The following VWDE variants were observed in gnomAD, a reference collection of about 807,000 sequenced individuals.
The protein encoded by VWDE is von Willebrand factor D and EGF domains.
Under a neutral mutation model 178.4 loss-of-function variants are expected in VWDE, and 207 were observed. That is an observed-to-expected ratio of 1.16 (90% confidence interval 1.04 to 1.30). The LOEUF is 1.30. Ranked by LOEUF, VWDE falls within the 50% of genes most tolerant of loss-of-function variation. The pLI, the probability that VWDE is intolerant of heterozygous loss-of-function variation, is 0.00. For missense variants in VWDE, 2,287 were observed against 1,901.3 expected, an observed-to-expected ratio of 1.20 and a Z score of -3.77; for synonymous variants, 738 against 651.4, an observed-to-expected ratio of 1.13 and a Z score of -2.02.
chr7:12,403,843 G>T lies in VWDE; in HGVS notation c.-127C>A. On this transcript the variant is annotated 5_prime_UTR_variant, in exon 1 of 29. In the 5' UTR this introduces an upstream ATG that the reference lacks. Coordinates refer to ENST00000275358, the MANE Select transcript of VWDE (RefSeq NM_001135924.3). Reference sequence around the variant, plus strand: ...TCTCAGTCTGTTGCTGCTTGGAACAGGGAAGCTCCGCGTCCTCGTTCTGGG... The same window carrying T: ...TCTCAGTCTGTTGCTGCTTGGAACATGGAAGCTCCGCGTCCTCGTTCTGGG... The T allele has an allele frequency of 1.0e-6, 1 of 1,000,944 alleles. No homozygotes were observed. Among genetic ancestry groups the T allele is most frequent in the Non-Finnish European group, 1.5e-6 (1 of 677,356 alleles). The allele number at this position is 1,000,944 out of a possible 1,614,324, so 62.0% of individuals were successfully genotyped here. A position where few individuals can be genotyped will look rare whatever the true frequency, so the allele number is the denominator to read the frequency against.
intron 3 of VWDE, among the ~76,000 whole-genome samples, chr7:12,384,714 T>C (rs1284073276): frequency 1.3e-5 from 2 of 152,140 alleles, no homozygotes; most frequent in Non-Finnish European, 2.9e-5. Context: ...CCCATACTCA[T>C]TTACAGGATT....
intron 1 of VWDE, among the ~76,000 whole-genome samples, chr7:12,397,314 T>G (rs1427670765): frequency 6.6e-6 from 1 of 152,070 alleles, no homozygotes; most frequent in African/African-American, 2.4e-5. Context: ...AAATTAGCAA[T>G]GGGAAAAGGA....
At chr7:12,351,805 G>T in intron 18 of VWDE, 92 bp from the exon 19 acceptor site, 2 of 1,128,150 alleles carry the variant, frequency 1.8e-6, no homozygotes, top group Non-Finnish European at 2.4e-6. Context: ...ACGCCACTTG[G>T]ATTAAACTCT....
At position 12,356,193 on chromosome 7, in the gene VWDE, C is replaced by A. The variant is rs1244259575; in HGVS notation, c.3663G>T (p.Gly1221=). The part of the protein sequence containing the change: ...HGSLCEVDIS[G]CQSNPCGLGS... ...CAAGACCACAAGGGTTGGATTGGCA[C>A]CCACTAATGTCCACTTCACAAAGGC... Residue 1221 remains glycine (G), a synonymous_variant, in exon 18 of 29, where the codon GGG becomes GGT. Coordinates refer to ENST00000275358, the MANE Select transcript of VWDE (RefSeq NM_001135924.3). 3.2e-6 allele frequency: 5 copies of A among 1,551,422 alleles called. No homozygotes were observed. The East Asian group carries it at 9.8e-5, about 30-fold the overall frequency.
At chr7:12,331,699 G>A (rs962766766) in intron 28 of VWDE, among the ~76,000 whole-genome samples, 2 of 152,052 alleles carry the variant, frequency 1.3e-5, no homozygotes, top group Non-Finnish European at 2.9e-5. Flanking sequence ...AACATTAGGT[G>A]CTACTATTAA....
chr7:12,380,972 A>G (rs1486329315), intron 4 of VWDE, among the ~76,000 whole-genome samples: 2 of 152,212 alleles, frequency 1.3e-5, no homozygotes, highest in Non-Finnish European at 2.9e-5. Flanking sequence ...TGCAGGTTGA[A>G]TATCTGCCTT....
At chr7:12,346,801 G>A (rs1781626064) in intron 19 of VWDE, among the ~76,000 whole-genome samples, 1 of 151,884 alleles carries the variant, frequency 6.6e-6, no homozygotes, top group Non-Finnish European at 1.5e-5. Flanking sequence ...ATTTTGCACT[G>A]TCTTCATGCA....
At chr7:12,347,040 G>A (rs970015385) in intron 19 of VWDE, among the ~76,000 whole-genome samples, 1 of 152,118 alleles carries the variant, frequency 6.6e-6, no homozygotes, top group African/African-American at 2.4e-5. Context: ...AGAAACAAGA[G>A]TGCACCAAAT....
intron 27 of VWDE, chr7:12,333,845 G>A (rs952016247): frequency 7.7e-6 from 2 of 260,824 alleles, no homozygotes; most frequent in African/African-American, 4.4e-5. Flanking sequence ...ACATTTTGAA[G>A]TATTTGAAAT....
At position 12,369,790 on chromosome 7, in the gene VWDE, A is replaced by C. The variant is rs1274013535; in HGVS notation, c.2516T>G (p.Val839Gly). The change falls in exon 12 of 29, where the codon GTG (valine) becomes GGG (glycine). Residue 839 changes from valine to glycine, a missense_variant. Physicochemically the swap from Val to Gly is moderately radical, Grantham distance 109. Coordinates refer to ENST00000275358, the MANE Select transcript of VWDE (RefSeq NM_001135924.3). Reference protein sequence around the residue: ...KRLDSVIEMCVKDVLLKDDLS... With the variant: ...KRLDSVIEMCGKDVLLKDDLS... ...ATCATCTTTTAACAGAACATCCTTC[A>C]CACACATCTCTATAACACTGTCTAA... 1 of 1,551,550 alleles carries C rather than the reference A, an allele frequency of 6.4e-7. No homozygotes were observed. The highest frequency in any genetic ancestry group is 1.4e-5 in the African/African-American group (1 of 73,146).
intron 12 of VWDE, among the ~76,000 whole-genome samples, chr7:12,368,107 A>G (rs1383308174): frequency 6.6e-6 from 1 of 151,730 alleles, no homozygotes; most frequent in Admixed American, 6.6e-5. Flanking sequence ...ACTTCAGTCC[A>G]TACTTTCACA....
At chr7:12,360,550 A>G (rs2128553061) in intron 15 of VWDE, among the ~76,000 whole-genome samples, 1 of 152,302 alleles carries the variant, frequency 6.6e-6, no homozygotes, top group African/African-American at 2.4e-5. Flanking sequence ...TATTATTTGT[A>G]TGCACCTCAG....
chr7:12,352,590 G>C (rs948414849), intron 18 of VWDE, among the ~76,000 whole-genome samples: 10 of 152,144 alleles, frequency 6.6e-5, no homozygotes, highest in African/African-American at 2.4e-4. Context: ...AAAACGGCTA[G>C]ATCACTTATT....
chr7:12,378,566 C>G (rs1370968474), intron 6 of VWDE, among the ~76,000 whole-genome samples: 1 of 152,126 alleles, frequency 6.6e-6, no homozygotes, highest in East Asian at 1.9e-4. Flanking sequence ...ACTGAATATT[C>G]TCCCTGTTAG....
Position 12,393,655 on chromosome 7 carries a change from G to T in VWDE, c.182C>A (p.Pro61His), listed in dbSNP as rs1479963809. Reference sequence around the variant, plus strand: ...AAGGATGAGAAATCTATACCATCCAGGGGAGAGGGAATGGTCACATATTAG... The same window carrying T: ...AAGGATGAGAAATCTATACCATCCATGGGAGAGGGAATGGTCACATATTAG... ...QDLICDHSLS[P>H]GWYRFLILDR... Residue 61 changes from proline to histidine, a missense_variant, in exon 2 of 29, where the codon CCT (proline) becomes CAT (histidine). Transcript: ENST00000275358. The T allele has an allele frequency of 6.4e-7, 1 of 1,551,090 alleles. No homozygotes were observed. Among genetic ancestry groups the T allele is most frequent in the African/African-American group, 1.4e-5 (1 of 73,016 alleles).
chr7:12,356,451 G>GAT (rs998604486), intron 17 of VWDE, 121 bp from the exon 18 acceptor site: 4 of 691,566 alleles, frequency 5.8e-6, no homozygotes, highest in Non-Finnish European at 9.2e-6. Flanking sequence ...ACTTATATTT[G>GAT]ATATATATAC....
chr7:12,381,382 TG>T (rs1247169218), intron 4 of VWDE, among the ~76,000 whole-genome samples: 1 of 152,142 alleles, frequency 6.6e-6, no homozygotes, highest in Non-Finnish European at 1.5e-5. Flanking sequence ...TGTTTAGTTT[TG>T]TTCTGTTTTA....
chr7:12,353,600 A>C (rs1782062250), intron 18 of VWDE, among the ~76,000 whole-genome samples: 1 of 151,408 alleles, frequency 6.6e-6, no homozygotes, highest in African/African-American at 2.4e-5. Flanking sequence ...TCTTCATCTT[A>C]GGTTAATATA....
Position 12,361,835 on chromosome 7 carries a change from T to C in VWDE, c.2899-314A>G, listed in dbSNP as rs753081752. ...TTGTAGCAAAACACACTTGACTATATAGATGACACACAGTGGATTGATTTT... is the reference window on the plus strand; with the variant it reads ...TTGTAGCAAAACACACTTGACTATACAGATGACACACAGTGGATTGATTTT... On this transcript the variant is annotated intron_variant, in intron 13 of 28. Coordinates refer to ENST00000275358, the MANE Select transcript of VWDE (RefSeq NM_001135924.3). Among the ~76,000 whole-genome samples the C allele has an allele frequency of 1.6e-3, 236 of 152,120 alleles. 2 individuals are homozygous for C. The highest frequency in any genetic ancestry group is 1.5e-3 in the Non-Finnish European group (103 of 67,970).
Sources: allele counts gnomAD v4.1 joint callset (sites outside exome capture counted in the v4.1 genomes callset), GRCh38; gene constraint gnomAD v4.1.1; transcripts MANE v1.5; gene names NCBI Gene and HGNC (gene_info 2026-07-23, HGNC 2026-07-21).